Variants in IPO11 observed in about 807,000 individuals in gnomAD.
IPO11 encodes the protein importin 11, also known as importin-11.
In IPO11, 66 loss-of-function variants were observed where a neutral mutation model predicts 143.2. That is an observed-to-expected ratio of 0.46 (90% confidence interval 0.38 to 0.57). The LOEUF is 0.57. IPO11 is among the 20% of genes least tolerant of loss of function. IPO11 has a pLI of 0.00. For missense variants in IPO11, 1,026 were observed against 1,141.0 expected, an observed-to-expected ratio of 0.90 and a Z score of 1.45; for synonymous variants, 385 against 377.8, an observed-to-expected ratio of 1.02 and a Z score of -0.22.
chr5:62,416,480 C>T (rs1454889529), intron 1 of IPO11, among the ~76,000 whole-genome samples: 2 of 152,096 alleles, frequency 1.3e-5, no homozygotes, highest in Non-Finnish European at 2.9e-5. Flanking sequence ...CTGCACTGGC[C>T]TGCTGTTTCT....
intron 2 of IPO11, among the ~76,000 whole-genome samples, chr5:62,439,395 T>C (rs1437770934): frequency 6.7e-6 from 1 of 148,270 alleles, no homozygotes; most frequent in African/African-American, 2.5e-5. Flanking sequence ...CATGCCATTC[T>C]CGTGCCTCAG....
chr5:62,501,848 A>G (rs1741358089), intron 16 of IPO11, among the ~76,000 whole-genome samples: 1 of 152,166 alleles, frequency 6.6e-6, no homozygotes, highest in African/African-American at 2.4e-5. Context: ...TCCTTAGCAT[A>G]TTATTATTTT....
chr5:62,587,858 T>C (rs1359740271), intron 27 of IPO11, among the ~76,000 whole-genome samples: 1 of 152,166 alleles, frequency 6.6e-6, no homozygotes, highest in Admixed American at 6.6e-5. Flanking sequence ...GCCGTGTAGC[T>C]AGTCACTGGT....
At chr5:62,420,291 CA>C (rs1187591087) in intron 1 of IPO11, among the ~76,000 whole-genome samples, 14,348 of 68,994 alleles carry the variant, frequency 0.21, 585 homozygotes, top group Middle Eastern at 0.26. Flanking sequence ...AGCTCCGTCT[CA>C]AAAAAAAAAA....
At chr5:62,491,613 T>C (rs1358853018) in intron 15 of IPO11, among the ~76,000 whole-genome samples, 1 of 152,108 alleles carries the variant, frequency 6.6e-6, no homozygotes, top group African/African-American at 2.4e-5. Flanking sequence ...ATTTATTGAT[T>C]ACATGTTGAA....
At chr5:62,599,681 CT>C (rs1363597721) in intron 28 of IPO11, among the ~76,000 whole-genome samples, 1 of 152,154 alleles carries the variant, frequency 6.6e-6, no homozygotes, top group Non-Finnish European at 1.5e-5. Flanking sequence ...TCGGTGATTT[CT>C]GCCTTGAGTT....
chr5:62,548,522 T>C (rs915778299), intron 24 of IPO11, among the ~76,000 whole-genome samples: 1 of 152,142 alleles, frequency 6.6e-6, no homozygotes, highest in Non-Finnish European at 1.5e-5. Context: ...TCTTTTAGAC[T>C]CTTTAGAGAA....
intron 27 of IPO11, among the ~76,000 whole-genome samples, chr5:62,587,005 T>C (rs1580356434): frequency 6.6e-6 from 1 of 151,530 alleles, no homozygotes; most frequent in African/African-American, 2.4e-5. Flanking sequence ...GACAGTTCTG[T>C]ACCAGCCCTT....
intron 16 of IPO11, among the ~76,000 whole-genome samples, chr5:62,502,870 G>A (rs1459309293): frequency 6.6e-6 from 1 of 151,736 alleles, no homozygotes; most frequent in African/African-American, 2.4e-5. Context: ...TGTTGCCCAG[G>A]CTGGAGTGCA....
intron 21 of IPO11, among the ~76,000 whole-genome samples, chr5:62,529,010 G>A (rs1410976366): frequency 6.6e-6 from 1 of 151,996 alleles, no homozygotes; most frequent in Non-Finnish European, 1.5e-5. Context: ...GGTTCTCTTT[G>A]TTGTATATCT....
chr5:62,442,757 G>A (rs1407626257), intron 2 of IPO11, among the ~76,000 whole-genome samples: 2 of 152,058 alleles, frequency 1.3e-5, no homozygotes, highest in African/African-American at 4.8e-5. Context: ...CCAGCTACTT[G>A]GGAGGCTGAG....
chr5:62,526,295 T>C, intron 21 of IPO11, 38 bp downstream of exon 21: 1 of 1,386,460 alleles, frequency 7.2e-7, no homozygotes, highest in Non-Finnish European at 1.0e-6. Flanking sequence ...TCTTATTTTA[T>C]TCGTGACCTT....
At chr5:62,523,433 T>A (rs965990700) in intron 20 of IPO11, among the ~76,000 whole-genome samples, 1 of 152,178 alleles carries the variant, frequency 6.6e-6, no homozygotes, top group Non-Finnish European at 1.5e-5. Flanking sequence ...GAAGAAACGT[T>A]ACGATTTTTA....
At chr5:62,559,366 A>G (rs915071858) in intron 26 of IPO11, among the ~76,000 whole-genome samples, 4 of 152,118 alleles carry the variant, frequency 2.6e-5, no homozygotes, top group Non-Finnish European at 5.9e-5. Flanking sequence ...TTTGGTAGTG[A>G]TAACAAAATC....
At chr5:62,511,122 TA>T (rs1726328273) in intron 19 of IPO11, among the ~76,000 whole-genome samples, 1 of 152,256 alleles carries the variant, frequency 6.6e-6, no homozygotes, top group Admixed American at 6.5e-5. Flanking sequence ...GATTGGAATA[TA>T]AATATTTTAT....
At chr5:62,498,436 T>C (rs1252392588) in intron 16 of IPO11, among the ~76,000 whole-genome samples, 1 of 152,252 alleles carries the variant, frequency 6.6e-6, no homozygotes, top group Non-Finnish European at 1.5e-5. Flanking sequence ...TTCTACACTG[T>C]AAACTAGAAT....
intron 1 of IPO11, among the ~76,000 whole-genome samples, chr5:62,426,270 C>G (rs758679567): frequency 1.3e-5 from 2 of 152,086 alleles, no homozygotes; most frequent in African/African-American, 4.8e-5. Context: ...ACCTGTAATC[C>G]CAGCTACTTG....
At chr5:62,440,385 C>T (rs1180149071) in intron 2 of IPO11, among the ~76,000 whole-genome samples, 21 of 137,020 alleles carry the variant, frequency 1.5e-4, no homozygotes, top group Admixed American at 2.4e-4. Context: ...GGTGGAGTCT[C>T]GCTGTGTTGC....
At position 62,467,274 on chromosome 5, in the gene IPO11, G is replaced by GAA; in HGVS notation, c.649+11_649+12insAA. The GAA allele has an allele frequency of 6.2e-7, 1 of 1,603,878 alleles. No homozygotes were observed. The highest frequency in any genetic ancestry group is 8.5e-7 in the Non-Finnish European group (1 of 1,176,272). On this transcript the variant is annotated intron_variant, in intron 6 of 29. Transcript: ENST00000325324. ...TGCTATCATTGAAAGGTACTATTAA[G>GAA]CTTGATATGTTCATTTTTGAAATGA...
Sources: allele counts gnomAD v4.1 joint callset (sites outside exome capture counted in the v4.1 genomes callset), GRCh38; gene constraint gnomAD v4.1.1; transcripts MANE v1.5; gene names NCBI Gene and HGNC (gene_info 2026-07-23, HGNC 2026-07-21).